TNFRSF10D: variants seen among roughly 807,000 people sequenced by gnomAD.
TNFRSF10D encodes tumor necrosis factor receptor superfamily member 10D.
TNFRSF10D carries 28 observed loss-of-function variants against 42.1 expected under a neutral mutation model. The observed-to-expected ratio is 0.66, with a 90% confidence interval of 0.49 to 0.91. TNFRSF10D has a LOEUF of 0.91. TNFRSF10D is among the 40% of genes least tolerant of loss of function. The probability of loss-of-function intolerance (pLI) is 0.00; values close to 1 mark genes in which losing one functional copy is unlikely to be tolerated. For synonymous variants in TNFRSF10D, 186 were observed against 189.4 expected (o/e 0.98, Z 0.15); for missense variants, 503 against 486.1 (o/e 1.03, Z -0.33).
intron 7 of TNFRSF10D, among the ~76,000 whole-genome samples, chr8:23,143,135 C>T (rs979919140): frequency 2.0e-5 from 3 of 152,150 alleles, no homozygotes; most frequent in African/African-American, 7.2e-5. Flanking sequence ...CGCTACCACG[C>T]CCGGCTAATT....
rs1418631566 is a variant in TNFRSF10D at position 23,151,086 on chromosome 8, G to T, written c.257-2535C>A. ...CAAAAAACCCCTAACAGATAAATAT[G>T]AAGAGATCTTCACCAAGACACATCT... On this transcript the variant is annotated intron_variant, in intron 2 of 8. Transcript: ENST00000312584. 8.6e-5 allele frequency among the ~76,000 whole-genome samples: 13 copies of T among 152,044 alleles called. 1 individual carries two copies. The highest frequency in any genetic ancestry group is 8.5e-4 in the Admixed American group (13 of 15,266).
chr8:23,140,218 G>A (rs1450887801), intron 7 of TNFRSF10D, among the ~76,000 whole-genome samples: 1 of 152,144 alleles, frequency 6.6e-6, no homozygotes, highest in Non-Finnish European at 1.5e-5. Flanking sequence ...GAACCTGGGA[G>A]GTGGAGCTTG....
intron 2 of TNFRSF10D, among the ~76,000 whole-genome samples, chr8:23,154,554 T>G (rs1016961352): frequency 6.6e-6 from 1 of 152,228 alleles, no homozygotes; most frequent in African/African-American, 2.4e-5. Context: ...TGTTATCATT[T>G]TCATTATTTT....
intron 2 of TNFRSF10D, among the ~76,000 whole-genome samples, chr8:23,150,581 G>A (rs1228683260): frequency 6.6e-6 from 1 of 152,208 alleles, no homozygotes; most frequent in Non-Finnish European, 1.5e-5. Flanking sequence ...ACAACAGCCT[G>A]ACAAAGACTT....
intron 1 of TNFRSF10D, 139 bp downstream of exon 1, chr8:23,163,647 A>G: frequency 2.2e-6 from 3 of 1,350,904 alleles, no homozygotes; most frequent in Non-Finnish European, 3.0e-6. Flanking sequence ...CCTGACTCCG[A>G]CGGCGGGTTC....
intron 6 of TNFRSF10D, among the ~76,000 whole-genome samples, 180 bp downstream of exon 6, chr8:23,144,878 T>C (rs116395895): frequency 0.012 from 1,785 of 152,226 alleles, 24 homozygotes; most frequent in African/African-American, 0.039. Flanking sequence ...CACGGCCTGC[T>C]GGTCTGTGTG....
intron 7 of TNFRSF10D, among the ~76,000 whole-genome samples, chr8:23,140,649 G>A (rs1814448155): frequency 6.6e-6 from 1 of 152,164 alleles, no homozygotes; most frequent in South Asian, 2.1e-4. Context: ...AAAATTATTG[G>A]AAGTAACTGA....
At chr8:23,143,063 G>A (rs998511031) in intron 7 of TNFRSF10D, among the ~76,000 whole-genome samples, 1 of 151,988 alleles carries the variant, frequency 6.6e-6, no homozygotes, top group African/African-American at 2.4e-5. Flanking sequence ...TGCAGGCTCC[G>A]CCTCACGGGT....
In TNFRSF10D at chr8:23,145,739, A is replaced by G; in HGVS notation, c.665T>C (p.Ile222Thr). ...YLIIIVVLVI[I>T]LAVVVVGFSC... Reference sequence around the variant, plus strand: ...AAAGCCAACCACAACCACAGCTAAAATGATGACTAAAACCACTATGATGAT... The same window carrying G: ...AAAGCCAACCACAACCACAGCTAAAGTGATGACTAAAACCACTATGATGAT... Residue 222 changes from isoleucine to threonine, a missense_variant, in exon 5 of 9, where the codon ATT becomes ACT. Physicochemically the swap from Ile to Thr is moderately conservative, Grantham distance 89 (BLOSUM62 -1). Transcript: ENST00000312584. The G allele has an allele frequency of 2.5e-6, 4 of 1,608,466 alleles. No individual in the cohort carries two copies. The East Asian group carries it at 8.9e-5, about 36-fold the overall frequency.
chr8:23,157,744 C>CT (rs35953275), intron 1 of TNFRSF10D, among the ~76,000 whole-genome samples: 21,036 of 152,116 alleles, frequency 0.14, 2,033 homozygotes, highest in East Asian at 0.57. Context: ...AAGAATTAAC[C>CT]TTTTTAACTA....
Position 23,145,675 on chromosome 8 carries a change from G to T in TNFRSF10D, c.729C>A (p.Ile243=), listed in dbSNP as rs376893084. The T allele has an allele frequency of 6.2e-7, 1 of 1,614,082 alleles. No individual in the cohort carries two copies. ...RKKFISYLKG[I]CSGGGGGPER... ...CCCTCAGCCAGCACCTACCTGAGCAGATGCCTTTGAGGTAAGAAATGAATT... is the reference window on the plus strand; with the variant it reads ...CCCTCAGCCAGCACCTACCTGAGCATATGCCTTTGAGGTAAGAAATGAATT... Residue 243 remains isoleucine (I), a synonymous_variant, in exon 5 of 9, where the codon ATC becomes ATA. Transcript: ENST00000312584.
chr8:23,156,645 A>G (rs1405291254), intron 1 of TNFRSF10D, among the ~76,000 whole-genome samples: 1 of 151,242 alleles, frequency 6.6e-6, no homozygotes, highest in Non-Finnish European at 1.5e-5. Flanking sequence ...GCTCACTACA[A>G]TCTCTGCCTC....
At chr8:23,158,482 T>A (rs951863330) in intron 1 of TNFRSF10D, among the ~76,000 whole-genome samples, 1 of 152,214 alleles carries the variant, frequency 6.6e-6, no homozygotes, top group Non-Finnish European at 1.5e-5. Flanking sequence ...ATAGACAAGA[T>A]ATAGCTGAGT....
chr8:23,163,943 G>A lies in TNFRSF10D; in HGVS notation c.-8C>T, dbSNP rs78171433. ...TTGTCCCCAAAGTCCCATGAGAAGG[G>A]AGGAGGGTGGATCGAAAGCGCCAAA... On this transcript the variant is annotated 5_prime_UTR_variant, in exon 1 of 9. Transcript: ENST00000312584. 2.4e-4 allele frequency: 368 copies of A among 1,545,242 alleles called. 2 individuals are homozygous for A. The African/African-American group carries it at 4.9e-3, about 21-fold the overall frequency.
chr8:23,160,760 T>C (rs1800355883), intron 1 of TNFRSF10D, among the ~76,000 whole-genome samples: 1 of 152,228 alleles, frequency 6.6e-6, no homozygotes, highest in Non-Finnish European at 1.5e-5. Context: ...ACTGGGACCG[T>C]GGCCTCTCAG....
At chr8:23,162,042 G>A (rs548818498) in intron 1 of TNFRSF10D, among the ~76,000 whole-genome samples, 2 of 145,702 alleles carry the variant, frequency 1.4e-5, no homozygotes, top group East Asian at 6.0e-4. Context: ...CCTCTAGATG[G>A]CAACAGTGAA....
At chr8:23,141,198 T>A (rs1012857900) in intron 7 of TNFRSF10D, among the ~76,000 whole-genome samples, 3 of 152,170 alleles carry the variant, frequency 2.0e-5, no homozygotes, top group Admixed American at 6.5e-5. Context: ...AAAGACCTTC[T>A]GCACAGCAGA....
intron 1 of TNFRSF10D, among the ~76,000 whole-genome samples, chr8:23,159,659 C>T (rs114498416): frequency 0.026 from 3,983 of 152,106 alleles, 203 homozygotes; most frequent in African/African-American, 0.09. Context: ...AGCTCGACTT[C>T]GAGACCAGCC....
rs61756240 is a variant in TNFRSF10D at position 23,148,451 on chromosome 8, T to A, written c.357A>T (p.Thr119=). 2 of 1,608,770 alleles carry A rather than the reference T, an allele frequency of 1.2e-6. No homozygotes were observed. The highest frequency in any genetic ancestry group is 2.2e-5 in the South Asian group (2 of 90,930). The change falls in exon 3 of 9, where the codon ACA becomes ACT. Residue 119 remains threonine (T), a synonymous_variant. Coordinates refer to ENST00000312584, the MANE Select transcript of TNFRSF10D (RefSeq NM_003840.5). ...CACATTCTGTACCTGATTTACAAAC[T>A]GTACATAGCAGGCAAGAAGGCAAAT... ...SNNLPSCLLC[T]VCKSGQTNKS...
Sources: gnomAD v4.1 joint callset for allele counts (sites outside exome capture counted in the v4.1 genomes callset) on GRCh38, gnomAD v4.1.1 for gene constraint, MANE v1.5 for transcripts, NCBI Gene and HGNC (gene_info 2026-07-23, HGNC 2026-07-21) for gene names.